NTN4: variants seen among roughly 807,000 people sequenced by gnomAD.
NTN4 encodes netrin 4.
A neutral mutation model predicts 73.6 loss-of-function variants in NTN4; 32 were observed. The ratio of observed to expected loss-of-function variants is 0.44; its 90% CI spans 0.33 to 0.58. The LOEUF (loss-of-function observed/expected upper bound fraction) is 0.58, where lower values mean the gene tolerates loss of function less well. Among genes scored for constraint, NTN4 ranks in the 20% least tolerant of loss-of-function variants. The pLI is 0.04. For missense variants in NTN4, 654 were observed against 798.3 expected (o/e 0.82, Z 2.18); for synonymous variants, 258 against 287.5 (o/e 0.90, Z 1.04).
At chr12:95,760,969 G>A (rs2078982845) in intron 2 of NTN4, among the ~76,000 whole-genome samples, 4 of 152,106 alleles carry the variant, frequency 2.6e-5, no homozygotes, top group Admixed American at 2.6e-4. Context: ...TTCTACTTGA[G>A]ATTTATTTTC....
chr12:95,709,959 C>T (rs1331781585), intron 5 of NTN4, among the ~76,000 whole-genome samples: 1 of 152,164 alleles, frequency 6.6e-6, no homozygotes, highest in Non-Finnish European at 1.5e-5. Flanking sequence ...AGTGAGGATA[C>T]ATTAGAGCAG....
At chr12:95,739,763 C>T (rs1207893154) in intron 2 of NTN4, 1 of 152,222 alleles carries the variant, frequency 6.6e-6, no homozygotes, top group African/African-American at 2.4e-5. Context: ...GTGTCCTTCT[C>T]CTCGTTATCT....
intron 5 of NTN4, among the ~76,000 whole-genome samples, chr12:95,684,285 T>C (rs1392658229): frequency 3.9e-5 from 6 of 152,024 alleles, no homozygotes; most frequent in Non-Finnish European, 7.4e-5. Flanking sequence ...TGTGAACAGA[T>C]AGCTCTTTTG....
At chr12:95,709,665 C>T (rs115723496) in intron 5 of NTN4, among the ~76,000 whole-genome samples, 2,044 of 151,974 alleles carry the variant, frequency 0.013, 48 homozygotes, top group African/African-American at 0.046. Flanking sequence ...TCCCAAATAG[C>T]TGAAACTACA....
upstream of NTN4, among the ~76,000 whole-genome samples, chr12:95,790,946 C>T (rs1349374168): frequency 2.7e-5 from 4 of 149,294 alleles, no homozygotes; most frequent in Non-Finnish European, 6.0e-5. The surrounding 1 kb of genome is among the most constrained non-coding windows in gnomAD (Gnocchi z 6.5). Flanking sequence ...GGGTCCCCCG[C>T]GCCCCGACCG....
At chr12:95,712,102 T>C (rs1348963668) in intron 4 of NTN4, among the ~76,000 whole-genome samples, 2 of 152,238 alleles carry the variant, frequency 1.3e-5, no homozygotes, top group Admixed American at 6.5e-5. Context: ...AACCTGCTTT[T>C]AAATTCTTGT....
intron 3 of NTN4, among the ~76,000 whole-genome samples, chr12:95,716,934 C>A (rs2078610139): frequency 6.6e-6 from 1 of 151,892 alleles, no homozygotes; most frequent in South Asian, 2.1e-4. Context: ...CTGAGTCTCC[C>A]GAGTAGCTTG....
chr12:95,700,514 A>G (rs941801523), intron 5 of NTN4, among the ~76,000 whole-genome samples: 1 of 152,126 alleles, frequency 6.6e-6, no homozygotes, highest in Middle Eastern at 3.2e-3. Flanking sequence ...TTTGGGAACC[A>G]ATGACTTGAG....
rs750126973 is a variant in NTN4 at position 95,787,233 on chromosome 12, T to A, written c.291A>T (p.Ser97=). 29 of 1,614,084 alleles carry A rather than the reference T, an allele frequency of 1.8e-5. No homozygotes were observed. The Admixed American group carries it at 4.2e-4, about 23-fold the overall frequency. The change falls in exon 2 of 10, where the codon TCA becomes TCT. Residue 97 remains serine (S), a synonymous_variant. Transcript: ENST00000343702. The part of the protein sequence containing the change: ...LAHLPSAMAD[S]SFRFPRTWWQ... The stretch of plus-strand genomic sequence containing the variant: ...ACCATGTGCGAGGAAACCGGAAGGA[T>A]GAGTCTGCCATGGCAGATGGCAGGT...
chr12:95,729,628 AGAGAGTGTGTGTGT>A (rs1477384737), intron 3 of NTN4, among the ~76,000 whole-genome samples: 5 of 102,192 alleles, frequency 4.9e-5, no homozygotes, highest in African/African-American at 1.9e-4. Flanking sequence ...AGAGAGAGAG[AGAGAGTGTGTGTGT>A]GTGTGTGTGT....
At chr12:95,662,526 C>T (rs1355313308) in intron 9 of NTN4, among the ~76,000 whole-genome samples, 1 of 151,984 alleles carries the variant, frequency 6.6e-6, no homozygotes, top group African/African-American at 2.4e-5. Context: ...CCACTGCACC[C>T]TGCTAAAAGA....
At chr12:95,702,319 AAAG>A (rs1363875013) in intron 5 of NTN4, among the ~76,000 whole-genome samples, 7 of 151,828 alleles carry the variant, frequency 4.6e-5, no homozygotes, top group Admixed American at 6.6e-5. Context: ...AAAAAAAAAA[AAAG>A]AAATCAGGAC....
chr12:95,703,816 C>T (rs1215467260), intron 5 of NTN4, among the ~76,000 whole-genome samples: 1 of 152,100 alleles, frequency 6.6e-6, no homozygotes, highest in African/African-American at 2.4e-5. Context: ...TGTAAACCTT[C>T]GTTAATTTGG....
Position 95,752,035 on chromosome 12 carries a change from C to T in NTN4, c.586-13891G>A, listed in dbSNP as rs185151488. ...TCTTCCCAATCCAAAGCTTCCTTTG[C>T]GTCCTCCTCTTGTATCCCCCCACCT... On this transcript the variant is annotated intron_variant, in intron 2 of 9. Transcript: ENST00000343702. Among the ~76,000 whole-genome samples, 1,462 of 151,628 alleles carry T rather than the reference C, an allele frequency of 9.6e-3. 14 individuals are homozygous for T. The highest frequency in any genetic ancestry group is 0.015 in the Non-Finnish European group (998 of 67,888).
At chr12:95,660,078 G>A (rs745404530) in intron 9 of NTN4, among the ~76,000 whole-genome samples, 2 of 152,000 alleles carry the variant, frequency 1.3e-5, no homozygotes, top group East Asian at 1.9e-4. Flanking sequence ...CAGGGGTGCC[G>A]TCTTGGCTCA....
chr12:95,779,183 C>A (rs543532140), intron 2 of NTN4, among the ~76,000 whole-genome samples: 189 of 152,218 alleles, frequency 1.2e-3, no homozygotes, highest in Non-Finnish European at 2.1e-3. Context: ...CTATGTATGA[C>A]AAACCCACAG....
rs1565873621 is a variant in NTN4 at position 95,659,069 on chromosome 12, T to C, written c.*17A>G. On this transcript the variant is annotated 3_prime_UTR_variant, in exon 10 of 10. Coordinates refer to ENST00000343702, the MANE Select transcript of NTN4 (RefSeq NM_021229.4). ...TTGTACATAGACAAGTGCCATTATG[T>C]GCTATCCATCTTAATGCTACTTGCA... The C allele has an allele frequency of 6.2e-7, 1 of 1,603,824 alleles. No homozygotes were observed. Among genetic ancestry groups the C allele is most frequent in the Non-Finnish European group, 8.5e-7 (1 of 1,176,680 alleles).
chr12:95,744,427 A>C (rs941435738), intron 2 of NTN4, among the ~76,000 whole-genome samples: 1 of 152,184 alleles, frequency 6.6e-6, no homozygotes, highest in Middle Eastern at 3.2e-3. Flanking sequence ...AGCATACCTA[A>C]TCTTTTTCAA....
At chr12:95,782,887 T>C (rs957017725) in intron 2 of NTN4, among the ~76,000 whole-genome samples, 1 of 152,178 alleles carries the variant, frequency 6.6e-6, no homozygotes, top group Non-Finnish European at 1.5e-5. Flanking sequence ...CAGATGCTGT[T>C]TCCTAACAGT....
Sources: gnomAD v4.1 joint callset for allele counts (sites outside exome capture counted in the v4.1 genomes callset) on GRCh38, gnomAD v4.1.1 for gene constraint, Gnocchi (gnomAD v3.1) non-coding constraint, MANE v1.5 for transcripts, NCBI Gene and HGNC (gene_info 2026-07-23, HGNC 2026-07-21) for gene names.